The following CTNNA3 variants were observed in gnomAD, a reference collection of about 807,000 sequenced individuals.
CTNNA3 encodes catenin alpha 3.
A neutral mutation model predicts 95.7 loss-of-function variants in CTNNA3; 76 were observed. The observed-to-expected ratio is 0.79, with a 90% CI of 0.66 to 0.96. The LOEUF is 0.96. Ranked by LOEUF, CTNNA3 falls within the 40% of genes least tolerant of loss-of-function variation. The pLI is 0.00. For missense variants in CTNNA3, 1,191 were observed against 1,089.8 expected (o/e 1.09, Z -1.31); for synonymous variants, 431 against 374.4 (o/e 1.15, Z -1.74).
At chr10:66,866,471 A>G (rs981164873) in intron 7 of CTNNA3, among the ~76,000 whole-genome samples, 1 of 152,232 alleles carries the variant, frequency 6.6e-6, no homozygotes, top group Non-Finnish European at 1.5e-5. Context: ...TTTTACAAAA[A>G]TAAGTAATTG....
intron 10 of CTNNA3, 28 bp downstream of exon 10, chr10:66,621,664 C>T (rs1190042847): frequency 2.3e-6 from 3 of 1,299,470 alleles, no homozygotes; most frequent in Non-Finnish European, 3.3e-6. Context: ...TATAATTTTA[C>T]ACACAAAAAG....
chr10:66,209,786 C>T (rs1444869390), intron 13 of CTNNA3, among the ~76,000 whole-genome samples: 1 of 152,098 alleles, frequency 6.6e-6, no homozygotes, highest in Non-Finnish European at 1.5e-5. Context: ...ATGTGTCCTC[C>T]GGAAAACTTT....
chr10:65,930,556 G>C (rs955730955), intron 17 of CTNNA3, among the ~76,000 whole-genome samples: 1 of 152,144 alleles, frequency 6.6e-6, no homozygotes, highest in South Asian at 2.1e-4. Flanking sequence ...TTTTTAGCCT[G>C]AGCATGCATA....
At position 67,122,803 on chromosome 10, in the gene CTNNA3, G is replaced by T. The variant is rs372303589; in HGVS notation, c.1047+57514C>A. On this transcript the variant is annotated intron_variant, in intron 7 of 17. Coordinates refer to ENST00000433211, the MANE Select transcript of CTNNA3 (RefSeq NM_013266.4). Reference sequence around the variant, plus strand: ...TTTCAATAATAAGAAAAGGCAATGTGAGTTACAGGAGCATCGGTCTGATGA... The same window carrying T: ...TTTCAATAATAAGAAAAGGCAATGTTAGTTACAGGAGCATCGGTCTGATGA... Among the ~76,000 whole-genome samples the T allele has an allele frequency of 2.0e-5, 3 of 152,198 alleles. No individual in the cohort carries two copies. The East Asian group carries it at 5.8e-4, about 29-fold the overall frequency.
Position 67,138,872 on chromosome 10 carries a change from T to A in CTNNA3, c.1047+41445A>T, listed in dbSNP as rs1449788753. On this transcript the variant is annotated intron_variant, in intron 7 of 17. Transcript: ENST00000433211. Reference sequence around the variant, plus strand: ...GAAATTAAATTTCCTAAGTCATCCATCTATAGGGGTAGGGACAGTGGACAG... The same window carrying A: ...GAAATTAAATTTCCTAAGTCATCCAACTATAGGGGTAGGGACAGTGGACAG... Among the ~76,000 whole-genome samples, 6 of 152,150 alleles carry A rather than the reference T, an allele frequency of 3.9e-5. 1 individual carries two copies. Among genetic ancestry groups the A allele is most frequent in the Admixed American group, 3.9e-4 (6 of 15,272 alleles).
intron 10 of CTNNA3, among the ~76,000 whole-genome samples, chr10:66,528,755 T>C (rs898920778): frequency 6.6e-6 from 1 of 152,156 alleles, no homozygotes; most frequent in African/African-American, 2.4e-5. Flanking sequence ...CCTAATTATA[T>C]GTGCTCTCCT....
intron 17 of CTNNA3, among the ~76,000 whole-genome samples, chr10:65,925,295 A>G (rs879832760): frequency 2.0e-5 from 3 of 152,174 alleles, no homozygotes; most frequent in Admixed American, 1.3e-4. Context: ...CAACAACAAT[A>G]AAATCGAAAC....
At chr10:67,297,540 T>C (rs183986862) in intron 5 of CTNNA3, among the ~76,000 whole-genome samples, 3 of 152,342 alleles carry the variant, frequency 2.0e-5, no homozygotes, top group Non-Finnish European at 1.5e-5. Context: ...CATCCATAAA[T>C]GGACCACATA....
intron 7 of CTNNA3, among the ~76,000 whole-genome samples, chr10:66,852,992 G>T (rs901015723): frequency 3.9e-5 from 6 of 152,172 alleles, no homozygotes; most frequent in Non-Finnish European, 8.8e-5. Context: ...AGCCAATTAT[G>T]TTTGACCATG....
chr10:67,039,287 T>C (rs1241193755), intron 7 of CTNNA3, among the ~76,000 whole-genome samples: 2 of 152,158 alleles, frequency 1.3e-5, no homozygotes, highest in African/African-American at 2.4e-5. Context: ...CTGAATATTA[T>C]ACCTTATGAA....
At chr10:66,437,096 C>T (rs916101481) in intron 11 of CTNNA3, among the ~76,000 whole-genome samples, 3 of 152,122 alleles carry the variant, frequency 2.0e-5, no homozygotes, top group Non-Finnish European at 2.9e-5. Flanking sequence ...GGTAACCCCA[C>T]GTTTCTCTCT....
intron 7 of CTNNA3, among the ~76,000 whole-genome samples, chr10:66,897,315 T>G (rs900301438): frequency 6.6e-6 from 1 of 152,048 alleles, no homozygotes; most frequent in Admixed American, 6.6e-5. Context: ...AAAGTGGGGA[T>G]ATCCATGGGA....
chr10:67,701,645 A>C (rs892093792), intron 1 of CTNNA3, among the ~76,000 whole-genome samples: 18 of 152,206 alleles, frequency 1.2e-4, no homozygotes, highest in East Asian at 3.8e-4. Flanking sequence ...TGGAAAGGAA[A>C]AACCGGTACC....
intron 9 of CTNNA3, among the ~76,000 whole-genome samples, chr10:66,695,678 G>A (rs1409444863): frequency 6.6e-6 from 1 of 152,060 alleles, no homozygotes; most frequent in Non-Finnish European, 1.5e-5. Context: ...CAGGTTTGTT[G>A]AGACAGGAAG....
intron 14 of CTNNA3, among the ~76,000 whole-genome samples, chr10:66,097,347 G>T (rs566828294): frequency 6.6e-6 from 1 of 152,174 alleles, no homozygotes; most frequent in South Asian, 2.1e-4. Context: ...ACAAAGATCT[G>T]CATTTTTCAT....
intron 12 of CTNNA3, among the ~76,000 whole-genome samples, chr10:66,334,637 C>A (rs2092373489): frequency 6.6e-6 from 1 of 151,956 alleles, no homozygotes; most frequent in Non-Finnish European, 1.5e-5. Context: ...TGTGGGTAAC[C>A]CGACTTTTCT....
chr10:66,910,582 C>G (rs1467822102), intron 7 of CTNNA3, among the ~76,000 whole-genome samples: 1 of 152,138 alleles, frequency 6.6e-6, no homozygotes, highest in Non-Finnish European at 1.5e-5. Context: ...ATTTTCAGTA[C>G]AACTAAGACA....
chr10:66,299,375 TG>T (rs1390432568), intron 12 of CTNNA3, among the ~76,000 whole-genome samples: 1 of 152,154 alleles, frequency 6.6e-6, no homozygotes. Context: ...AATTGTACCA[TG>T]GGGGTAGAAG....
chr10:65,923,183 G>A (rs2077116825), intron 17 of CTNNA3, among the ~76,000 whole-genome samples: 1 of 152,132 alleles, frequency 6.6e-6, no homozygotes, highest in Non-Finnish European at 1.5e-5. Flanking sequence ...GTTAGCATAG[G>A]CAATGTCAAA....
Sources: gnomAD v4.1 joint callset for allele counts (sites outside exome capture counted in the v4.1 genomes callset) on GRCh38, gnomAD v4.1.1 for gene constraint, MANE v1.5 for transcripts, NCBI Gene and HGNC (gene_info 2026-07-23, HGNC 2026-07-21) for gene names.